The following CERS6 variants were observed in gnomAD, a reference collection of about 807,000 sequenced individuals.
CERS6 encodes ceramide synthase 6.
CERS6 carries 26 observed loss-of-function variants against 56.8 expected under a neutral mutation model. The observed-to-expected ratio is 0.46, with a 90% CI of 0.34 to 0.63. CERS6 has a LOEUF of 0.63. Ranked by LOEUF, CERS6 falls within the 30% of genes least tolerant of loss-of-function variation. CERS6 has a pLI of 0.01. For synonymous variants in CERS6, 164 were observed against 173.3 expected (o/e 0.95, Z 0.42); for missense variants, 415 against 467.5 (o/e 0.89, Z 1.04).
intron 3 of CERS6, among the ~76,000 whole-genome samples, chr2:168,579,471 A>G (rs137961900): frequency 7.9e-5 from 12 of 152,016 alleles, no homozygotes; most frequent in African/African-American, 2.9e-4. Context: ...TTCTTTTCCA[A>G]TTCCTTCCTT....
At chr2:168,622,423 A>G (rs967637124) in intron 3 of CERS6, among the ~76,000 whole-genome samples, 2 of 151,672 alleles carry the variant, frequency 1.3e-5, no homozygotes, top group Non-Finnish European at 2.9e-5. Context: ...AGTAATGTCT[A>G]TCCTGAATTT....
At chr2:168,612,390 G>C (rs189905759) in intron 3 of CERS6, among the ~76,000 whole-genome samples, 104 of 152,302 alleles carry the variant, frequency 6.8e-4, no homozygotes, top group Non-Finnish European at 1.2e-3. Context: ...AATATCTTAT[G>C]GGGATAAACA....
At chr2:168,737,662 T>G (rs959114846) in intron 8 of CERS6, among the ~76,000 whole-genome samples, 1 of 152,230 alleles carries the variant, frequency 6.6e-6, no homozygotes, top group African/African-American at 2.4e-5. Context: ...GTGTCTTTTA[T>G]GTGAATAAAG....
intron 9 of CERS6, chr2:168,766,337 C>G (rs769925721): frequency 6.3e-7 from 1 of 1,598,108 alleles, no homozygotes. Context: ...GAAGTGGAAC[C>G]CTTTACATGT....
At chr2:168,651,759 A>G (rs148866534) in intron 4 of CERS6, among the ~76,000 whole-genome samples, 6,798 of 152,196 alleles carry the variant, frequency 0.045, 511 homozygotes, top group African/African-American at 0.15. Flanking sequence ...TGGGGATTAC[A>G]ATTTGAGATG....
chr2:168,541,546 A>T (rs1695370360), intron 1 of CERS6, among the ~76,000 whole-genome samples: 1 of 150,336 alleles, frequency 6.7e-6, no homozygotes, highest in Non-Finnish European at 1.5e-5. Context: ...TTTTCTCCTT[A>T]GAGTGGGTCA....
At chr2:168,465,876 A>T (rs568352813) in intron 1 of CERS6, among the ~76,000 whole-genome samples, 1 of 152,310 alleles carries the variant, frequency 6.6e-6, no homozygotes, top group East Asian at 1.9e-4. Flanking sequence ...GTATTTTACC[A>T]CAATTAAAAA....
intron 1 of CERS6, among the ~76,000 whole-genome samples, chr2:168,528,333 G>C (rs1304291174): frequency 6.6e-6 from 1 of 152,114 alleles, no homozygotes; most frequent in Non-Finnish European, 1.5e-5. Flanking sequence ...CATCTCTAGT[G>C]GGGGGCTGCC....
At chr2:168,715,225 G>A (rs777384980) in intron 7 of CERS6, 96 bp downstream of exon 7, 99 of 1,006,436 alleles carry the variant, frequency 9.8e-5, no homozygotes, top group Non-Finnish European at 1.3e-4. Flanking sequence ...ATGGTGCTTG[G>A]GTACAATAGT....
intron 8 of CERS6, among the ~76,000 whole-genome samples, chr2:168,750,487 C>T (rs935046570): frequency 4.6e-5 from 7 of 151,974 alleles, no homozygotes; most frequent in Non-Finnish European, 8.8e-5. Flanking sequence ...TTTTTCTTTA[C>T]CAAAGTAAGA....
chr2:168,598,852 T>G (rs1419568454), intron 3 of CERS6, among the ~76,000 whole-genome samples: 1 of 152,064 alleles, frequency 6.6e-6, no homozygotes, highest in Non-Finnish European at 1.5e-5. Flanking sequence ...TTGGATAGAG[T>G]AGGTATAGAA....
At chr2:168,681,421 G>A (rs1412232254) in intron 4 of CERS6, among the ~76,000 whole-genome samples, 3 of 152,178 alleles carry the variant, frequency 2.0e-5, no homozygotes, top group Non-Finnish European at 4.4e-5. Context: ...ATTTGAGGGT[G>A]GCAGTGTATT....
intron 8 of CERS6, 85 bp downstream of exon 8, chr2:168,718,063 G>A: frequency 2.2e-6 from 2 of 918,168 alleles, no homozygotes; most frequent in South Asian, 1.5e-5. Flanking sequence ...TTTACTGTAA[G>A]TATTTACAGG....
chr2:168,746,657 G>A (rs1684103672), intron 8 of CERS6, among the ~76,000 whole-genome samples: 1 of 150,848 alleles, frequency 6.6e-6, no homozygotes, highest in African/African-American at 2.4e-5. Flanking sequence ...TTATCCCCTT[G>A]GTACACCTTG....
Position 168,569,386 on chromosome 2 carries a change from G to A in CERS6, c.407+8064G>A, listed in dbSNP as rs372725735. 4.6e-5 allele frequency among the ~76,000 whole-genome samples: 7 copies of A among 152,352 alleles called. No homozygotes were observed. The East Asian group carries it at 1.3e-3, about 29-fold the overall frequency. On this transcript the variant is annotated intron_variant, in intron 3 of 9. Coordinates refer to ENST00000305747, the MANE Select transcript of CERS6 (RefSeq NM_203463.3). Reference sequence around the variant, plus strand: ...AATTCAGTCTGTAACAATGTCAGAAGGGTGGCAGTGAGTTACTGTGAAGTG... The same window carrying A: ...AATTCAGTCTGTAACAATGTCAGAAAGGTGGCAGTGAGTTACTGTGAAGTG...
At chr2:168,711,054 T>G (rs1687076366) in intron 6 of CERS6, among the ~76,000 whole-genome samples, 1 of 152,244 alleles carries the variant, frequency 6.6e-6, no homozygotes, top group African/African-American at 2.4e-5. Flanking sequence ...TCGTTGCACT[T>G]CATTTCTTAA....
In CERS6 at chr2:168,458,074, T is replaced by A. The variant is rs149798530; in HGVS notation, c.170+1456T>A. On this transcript the variant is annotated intron_variant, in intron 1 of 9. Transcript: ENST00000305747. ...GTGTTTGCAGGTGTAGAGTTACCTC[T>A]AGAGCAAATGTTTGGTTACAGAAAA... 4.9e-3 allele frequency among the ~76,000 whole-genome samples: 743 copies of A among 152,258 alleles called. 5 individuals carry two copies. The highest frequency in any genetic ancestry group is 7.3e-3 in the Non-Finnish European group (495 of 68,028).
rs1445670519 is a variant in CERS6 at position 168,662,587 on chromosome 2, T to G, written c.466-28447T>G. 2.0e-5 allele frequency among the ~76,000 whole-genome samples: 3 copies of G among 152,054 alleles called. No individual in the cohort carries two copies. The East Asian group carries it at 5.8e-4, about 29-fold the overall frequency. On this transcript the variant is annotated intron_variant, in intron 4 of 9. Coordinates refer to ENST00000305747, the MANE Select transcript of CERS6 (RefSeq NM_203463.3). Reference sequence around the variant, plus strand: ...CAACTAAAAACACAAAAAAATTAGCTGGGCGTGGTGGCGGGCGGCTGTAAT... The same window carrying G: ...CAACTAAAAACACAAAAAAATTAGCGGGGCGTGGTGGCGGGCGGCTGTAAT...
intron 4 of CERS6, among the ~76,000 whole-genome samples, chr2:168,638,330 A>G (rs1270638335): frequency 2.0e-5 from 3 of 152,124 alleles, no homozygotes; most frequent in Non-Finnish European, 4.4e-5. Context: ...CTAGCAGACC[A>G]TCTATATACT....
Sources: allele counts gnomAD v4.1 joint callset (sites outside exome capture counted in the v4.1 genomes callset), GRCh38; gene constraint gnomAD v4.1.1; transcripts MANE v1.5; gene names NCBI Gene and HGNC (gene_info 2026-07-23, HGNC 2026-07-21).